The following CAMK4 variants were observed in gnomAD, a reference collection of about 807,000 sequenced individuals.
CAMK4 encodes calcium/calmodulin dependent protein kinase IV.
CAMK4 carries 22 observed loss-of-function variants against 44.9 expected under a neutral mutation model. That is an observed-to-expected ratio of 0.49 (90% CI 0.35 to 0.70). The LOEUF (loss-of-function observed/expected upper bound fraction) is 0.70. Among genes scored for constraint, CAMK4 ranks in the 30% least tolerant of loss-of-function variants. The pLI, the probability that CAMK4 is intolerant of heterozygous loss-of-function variation, is 0.01. For synonymous variants in CAMK4, 218 were observed against 215.4 expected (o/e 1.01, Z -0.11); for missense variants, 498 against 586.8 (o/e 0.85, Z 1.56).
intron 1 of CAMK4, among the ~76,000 whole-genome samples, chr5:111,257,210 A>G (rs1398646545): frequency 1.3e-5 from 2 of 152,236 alleles, no homozygotes; most frequent in Non-Finnish European, 2.9e-5. Flanking sequence ...CAGAGTGAAC[A>G]GACAACCTAC....
intron 8 of CAMK4, among the ~76,000 whole-genome samples, chr5:111,476,272 TG>T (rs1755239168): frequency 8.0e-6 from 1 of 124,330 alleles, no homozygotes; most frequent in Non-Finnish European, 1.6e-5. Flanking sequence ...TGTGTGTGTT[TG>T]TGTGTGTGTG....
Position 111,484,041 on chromosome 5 carries a change from G to C in CAMK4, c.997G>C (p.Val333Leu). Reference sequence around the variant, plus strand: ...TTCCAATCAGGCAGCGGTGAAGGCTGTGGTGGCCTCTTCGCGCCTGGGAAG... The same window carrying C: ...TTCCAATCAGGCAGCGGTGAAGGCTCTGGTGGCCTCTTCGCGCCTGGGAAG... ...RRKLKAAVKAVVASSRLGSAS... is the reference protein window; with the variant it reads ...RRKLKAAVKALVASSRLGSAS... The change falls in exon 11 of 11, where the codon GTG becomes CTG. Residue 333 changes from valine to leucine, a missense_variant. Around this residue, in one of 3 missense-constraint regions of CAMK4, gnomAD observed 203 missense variants for 298.2 expected, o/e 0.68. Coordinates refer to ENST00000282356, the MANE Select transcript of CAMK4 (RefSeq NM_001744.6). This position sits in a 1 kb window ranked among gnomAD's most constrained non-coding sequence, Gnocchi z 5.3. The C allele has an allele frequency of 1.3e-6, 2 of 1,592,406 alleles. No homozygotes were observed. Among genetic ancestry groups the C allele is most frequent in the Non-Finnish European group, 1.7e-6 (2 of 1,169,128 alleles).
At position 111,488,265 on chromosome 5, in the gene CAMK4, G is replaced by A. The variant is rs1391105316; in HGVS notation, c.*3799G>A. Reference sequence around the variant, plus strand: ...GTGTAATGATGGTGATATCATGCCAGTTATCCTCAAAGTGGGAATATGACC... The same window carrying A: ...GTGTAATGATGGTGATATCATGCCAATTATCCTCAAAGTGGGAATATGACC... On this transcript the variant is annotated 3_prime_UTR_variant, in exon 11 of 11. Coordinates refer to ENST00000282356, the MANE Select transcript of CAMK4 (RefSeq NM_001744.6). The A allele has an allele frequency of 6.6e-6, 1 of 152,184 alleles. No individual in the cohort carries two copies. 9.4% of individuals were successfully genotyped at this position (152,184 alleles called of 1,614,324 possible).
At chr5:111,421,897 T>G in intron 5 of CAMK4, among the ~76,000 whole-genome samples, 1 of 152,154 alleles carries the variant, frequency 6.6e-6, no homozygotes, top group East Asian at 1.9e-4. Context: ...TCTCACGAAA[T>G]TTGATGGTTT....
chr5:111,409,952 C>G (rs1017541126), intron 5 of CAMK4, among the ~76,000 whole-genome samples: 1 of 152,130 alleles, frequency 6.6e-6, no homozygotes, highest in Admixed American at 6.6e-5. Flanking sequence ...CCAAACTTTC[C>G]CACATCTTCC....
chr5:111,460,741 G>T (rs1208897971), intron 7 of CAMK4, among the ~76,000 whole-genome samples: 4 of 152,144 alleles, frequency 2.6e-5, no homozygotes, highest in Non-Finnish European at 5.9e-5. Flanking sequence ...AAGTGACCTG[G>T]AGACTCAGTC....
intron 5 of CAMK4, among the ~76,000 whole-genome samples, chr5:111,443,273 TATATATACACACACACAC>T (rs1233844892): frequency 1.0e-3 from 53 of 50,832 alleles, no homozygotes; most frequent in African/African-American, 4.9e-3. Flanking sequence ...TATATATATA[TATATATACACACACACAC>T]ACACACACAC....
chr5:111,394,709 G>A lies in CAMK4; in HGVS notation c.387-1G>A, dbSNP rs1208049523. 6.2e-7 allele frequency: 1 copy of A among 1,606,472 alleles called. No homozygotes were observed. Among genetic ancestry groups the A allele is most frequent in the Non-Finnish European group, 8.5e-7 (1 of 1,174,954 alleles). ...AAGCATTTCCTTTCTTTTTGTTCCAGGATTGTGGAAAAGGGATATTACAGT... is the reference window on the plus strand; with the variant it reads ...AAGCATTTCCTTTCTTTTTGTTCCAAGATTGTGGAAAAGGGATATTACAGT... On this transcript the variant is annotated splice_acceptor_variant, in intron 4 of 10. Transcript: ENST00000282356. LOFTEE classifies it high-confidence loss of function.
intron 1 of CAMK4, among the ~76,000 whole-genome samples, chr5:111,225,035 C>T (rs542144915): frequency 6.6e-6 from 1 of 152,312 alleles, no homozygotes; most frequent in South Asian, 2.1e-4. Context: ...GGTGCCCCTC[C>T]AAATCAAGAC....
intron 1 of CAMK4, among the ~76,000 whole-genome samples, chr5:111,311,857 C>T (rs560501533): frequency 2.6e-5 from 4 of 152,204 alleles, no homozygotes; most frequent in African/African-American, 9.6e-5. Context: ...TCCTAATCTT[C>T]GGTAGCAGTG....
rs572138688 is a variant in CAMK4, at chr5:111,477,624, C to T, written c.702-757C>T. On this transcript the variant is annotated intron_variant, in intron 8 of 10. Transcript: ENST00000282356. ...TGTTAAGATGCCCAAGATAGTTCTC[C>T]GTCCCTTTTATCCCACTTTTCCCAT... is the stretch of plus-strand genomic sequence containing the variant. Among the ~76,000 whole-genome samples, 70 of 152,272 alleles carry T rather than the reference C, an allele frequency of 4.6e-4. No homozygotes were observed. In the South Asian group the frequency reaches 5.4e-3, roughly 12 times the overall value.
At chr5:111,426,358 A>G (rs1753226067) in intron 5 of CAMK4, among the ~76,000 whole-genome samples, 1 of 152,248 alleles carries the variant, frequency 6.6e-6, no homozygotes, top group African/African-American at 2.4e-5. Context: ...TGATAACAAT[A>G]CAGTTATTCT....
At chr5:111,247,420 T>C (rs1421960826) in intron 1 of CAMK4, among the ~76,000 whole-genome samples, 1 of 148,006 alleles carries the variant, frequency 6.8e-6, no homozygotes, top group Non-Finnish European at 1.5e-5. Flanking sequence ...TTTATGTATA[T>C]TTATACTTAT....
At chr5:111,344,479 A>C (rs1749789677) in intron 2 of CAMK4, among the ~76,000 whole-genome samples, 1 of 151,772 alleles carries the variant, frequency 6.6e-6, no homozygotes, top group Non-Finnish European at 1.5e-5. Context: ...AAATATTAAA[A>C]CCACATTTTA....
At chr5:111,389,454 A>G (rs1751722547) in intron 4 of CAMK4, among the ~76,000 whole-genome samples, 1 of 152,182 alleles carries the variant, frequency 6.6e-6, no homozygotes, top group South Asian at 2.1e-4. Context: ...ACCAAAATAT[A>G]GAGAGGAGAT....
At position 111,484,380 on chromosome 5, in the gene CAMK4, G is replaced by C. The variant is rs1338040251; in HGVS notation, c.1336G>C (p.Glu446Gln). The change falls in exon 11 of 11, where the codon GAG (glutamate) becomes CAG (glutamine). Residue 446 changes from glutamate (E) to glutamine (Q), a missense_variant. Glu to Gln is a conservative substitution (Grantham distance 29, BLOSUM62 2). This residue lies in a region of CAMK4 where 143 missense variants were observed against 144.9 expected (regional missense o/e 0.99). Coordinates refer to ENST00000282356, the MANE Select transcript of CAMK4 (RefSeq NM_001744.6). The surrounding 1 kb of genome is among the most constrained non-coding windows in gnomAD (Gnocchi z 5.3). ...LAEEKLKTVEEAAAPREGQGS... is the reference protein window; with the variant it reads ...LAEEKLKTVEQAAAPREGQGS... ...AGAGGAGAAGCTGAAGACTGTGGAG[G>C]AGGCAGCAGCTCCCAGAGAAGGGCA... 1 of 1,595,552 alleles carries C rather than the reference G, an allele frequency of 6.3e-7. No homozygotes were observed. The highest frequency in any genetic ancestry group is 1.4e-5 in the African/African-American group (1 of 74,014).
At chr5:111,402,255 T>A (rs1486596233) in intron 5 of CAMK4, among the ~76,000 whole-genome samples, 1 of 152,218 alleles carries the variant, frequency 6.6e-6, no homozygotes, top group Non-Finnish European at 1.5e-5. Flanking sequence ...AATCTCAGCA[T>A]CATAAAGTGG....
At chr5:111,343,747 A>C (rs1407940635) in intron 1 of CAMK4, among the ~76,000 whole-genome samples, 3 of 151,760 alleles carry the variant, frequency 2.0e-5, no homozygotes, top group Non-Finnish European at 2.9e-5. Flanking sequence ...TTTATTCCAG[A>C]GCCTTCTCAA....
At chr5:111,319,807 G>A (rs1748582825) in intron 1 of CAMK4, among the ~76,000 whole-genome samples, 1 of 151,966 alleles carries the variant, frequency 6.6e-6, no homozygotes, top group African/African-American at 2.4e-5. Context: ...TTCTTAAAAT[G>A]TAAAATGTGC....
Sources: allele counts gnomAD v4.1 joint callset (sites outside exome capture counted in the v4.1 genomes callset), GRCh38; gene constraint gnomAD v4.1.1; regional missense constraint gnomAD v4.1.1; non-coding constraint Gnocchi (gnomAD v3.1); transcripts MANE v1.5; gene names NCBI Gene and HGNC (gene_info 2026-07-23, HGNC 2026-07-21).